Variants in EXOC6B observed in about 807,000 individuals in gnomAD.
EXOC6B encodes the protein SEC15 homolog B.
EXOC6B carries 54 observed loss-of-function variants against 113.5 expected under a neutral mutation model. That is an observed-to-expected ratio of 0.48 (90% CI 0.38 to 0.60). The LOEUF is 0.60. Ranked by LOEUF, EXOC6B falls within the 20% of genes least tolerant of loss-of-function variation. The probability of loss-of-function intolerance (pLI) is 0.00; values close to 1 mark genes in which losing one functional copy is unlikely to be tolerated. For missense variants in EXOC6B, 797 were observed against 977.5 expected, an observed-to-expected ratio of 0.82 and a Z score of 2.46; for synonymous variants, 357 against 339.0, an observed-to-expected ratio of 1.05 and a Z score of -0.58.
intron 20 of EXOC6B, among the ~76,000 whole-genome samples, chr2:72,258,738 C>T (rs1683514592): frequency 6.6e-6 from 1 of 151,940 alleles, no homozygotes; most frequent in Non-Finnish European, 1.5e-5. Flanking sequence ...TTAGAAGGCC[C>T]AAGTACATAC....
intron 6 of EXOC6B, among the ~76,000 whole-genome samples, chr2:72,630,133 G>C (rs963536158): frequency 1.3e-5 from 2 of 152,166 alleles, no homozygotes; most frequent in African/African-American, 4.8e-5. Flanking sequence ...CAGGACTGGA[G>C]CAAAAGGTTT....
chr2:72,727,933 G>A (rs1386139154), intron 5 of EXOC6B, among the ~76,000 whole-genome samples: 2 of 152,026 alleles, frequency 1.3e-5, no homozygotes, highest in East Asian at 3.8e-4. Flanking sequence ...CAACCTAAAA[G>A]TGGTCAGGAA....
intron 10 of EXOC6B, among the ~76,000 whole-genome samples, chr2:72,513,545 A>G (rs1701057990): frequency 6.6e-6 from 1 of 152,080 alleles, no homozygotes; most frequent in African/African-American, 2.4e-5. Flanking sequence ...GAAAATGTGT[A>G]GAGGTAATGG....
chr2:72,739,461 T>C (rs1318921654), intron 2 of EXOC6B, among the ~76,000 whole-genome samples: 2 of 152,122 alleles, frequency 1.3e-5, no homozygotes, highest in African/African-American at 4.8e-5. Context: ...CAATTTGCCA[T>C]ATGTGTTTGT....
At chr2:72,499,535 T>A (rs1485955854) in intron 12 of EXOC6B, among the ~76,000 whole-genome samples, 102 of 140,462 alleles carry the variant, frequency 7.3e-4, no homozygotes, top group African/African-American at 2.8e-3. Flanking sequence ...CCAGTCAGAT[T>A]TTTTTTTTTT....
At chr2:72,554,726 T>C (rs1480498971) in intron 8 of EXOC6B, among the ~76,000 whole-genome samples, 1 of 152,166 alleles carries the variant, frequency 6.6e-6, no homozygotes, top group East Asian at 1.9e-4. Context: ...ATTGCATATG[T>C]AAGTTCTACA....
intron 6 of EXOC6B, among the ~76,000 whole-genome samples, chr2:72,638,720 T>C (rs1673016832): frequency 6.6e-6 from 1 of 152,142 alleles, no homozygotes; most frequent in African/African-American, 2.4e-5. Context: ...AGAGAAGTGG[T>C]AGGGGCAGCA....
chr2:72,528,324 A>T (rs1351423265), intron 8 of EXOC6B, among the ~76,000 whole-genome samples: 1 of 151,856 alleles, frequency 6.6e-6, no homozygotes, highest in Non-Finnish European at 1.5e-5. Flanking sequence ...TTCTGACACT[A>T]TGTGTTGAAT....
rs573441722 is a variant in EXOC6B at position 72,536,472 on chromosome 2, C to T, written c.916-21346G>A. ...TATTGCATTCAATCATATGTAAATA[C>T]CAATTTTTAAATATCTTACCATCAC... On this transcript the variant is annotated intron_variant, in intron 8 of 21. Coordinates refer to ENST00000272427, the MANE Select transcript of EXOC6B (RefSeq NM_015189.3). 1.5e-3 allele frequency among the ~76,000 whole-genome samples: 228 copies of T among 152,038 alleles called. 1 individual carries two copies. Among genetic ancestry groups the T allele is most frequent in the African/African-American group, 5.3e-3 (219 of 41,490 alleles).
intron 7 of EXOC6B, among the ~76,000 whole-genome samples, chr2:72,567,896 A>C (rs1301469986): frequency 6.6e-6 from 1 of 152,080 alleles, no homozygotes; most frequent in Non-Finnish European, 1.5e-5. Context: ...AGAAATGATA[A>C]AAATAGAAAA....
chr2:72,650,679 AT>A (rs1306021281), intron 6 of EXOC6B, among the ~76,000 whole-genome samples: 1 of 152,076 alleles, frequency 6.6e-6, no homozygotes, highest in East Asian at 1.9e-4. Context: ...ATAGAAATAT[AT>A]TTACTGAAGA....
chr2:72,763,419 G>A (rs1433759570), intron 1 of EXOC6B, among the ~76,000 whole-genome samples: 1 of 150,470 alleles, frequency 6.6e-6, no homozygotes, highest in Non-Finnish European at 1.5e-5. Context: ...CAATTTGAAC[G>A]TGTTTTTTCT....
chr2:72,493,303 A>G (rs984394438), intron 15 of EXOC6B, among the ~76,000 whole-genome samples: 3 of 109,218 alleles, frequency 2.7e-5, no homozygotes, highest in Admixed American at 1.1e-4. Flanking sequence ...TTAATTTTGT[A>G]CCTTCTCTGT....
chr2:72,698,177 C>T (rs1042671712), intron 6 of EXOC6B, among the ~76,000 whole-genome samples: 2 of 152,080 alleles, frequency 1.3e-5, no homozygotes, highest in Non-Finnish European at 2.9e-5. Flanking sequence ...GAGGAATTAA[C>T]TGACAGTACA....
chr2:72,504,592 T>C lies in EXOC6B; in HGVS notation c.1168-4620A>G, dbSNP rs572508689. Among the ~76,000 whole-genome samples, 18 of 152,306 alleles carry C rather than the reference T, an allele frequency of 1.2e-4. No homozygotes were observed. In the South Asian group the frequency reaches 3.7e-3, roughly 32 times the overall value. On this transcript the variant is annotated intron_variant, in intron 11 of 21. Coordinates refer to ENST00000272427, the MANE Select transcript of EXOC6B (RefSeq NM_015189.3). The stretch of plus-strand genomic sequence containing the variant: ...CATTTCTCATTTTAAAATCCAACAA[T>C]GCTGGAAAGATATTCTTGCATGTTT...
intron 20 of EXOC6B, among the ~76,000 whole-genome samples, chr2:72,272,218 G>C (rs960287552): frequency 6.6e-6 from 1 of 152,130 alleles, no homozygotes; most frequent in Non-Finnish European, 1.5e-5. Context: ...TCTTGGATAA[G>C]TGCCCAATGT....
At chr2:72,286,448 C>A (rs550007961) in intron 20 of EXOC6B, among the ~76,000 whole-genome samples, 1 of 152,122 alleles carries the variant, frequency 6.6e-6, no homozygotes, top group African/African-American at 2.4e-5. Flanking sequence ...AGAAAAGGCA[C>A]AATGAGGGGG....
intron 1 of EXOC6B, among the ~76,000 whole-genome samples, chr2:72,760,898 T>G (rs1345395294): frequency 2.0e-5 from 3 of 152,096 alleles, no homozygotes; most frequent in Non-Finnish European, 2.9e-5. Context: ...TGACATATGA[T>G]GCCAGGCAGG....
intron 6 of EXOC6B, among the ~76,000 whole-genome samples, chr2:72,678,297 T>C (rs1176571598): frequency 6.6e-6 from 1 of 152,188 alleles, no homozygotes; most frequent in Non-Finnish European, 1.5e-5. Flanking sequence ...AGTTACCAAT[T>C]TGTGTTTCAA....
Sources: allele counts gnomAD v4.1 joint callset (sites outside exome capture counted in the v4.1 genomes callset), GRCh38; gene constraint gnomAD v4.1.1; transcripts MANE v1.5; gene names NCBI Gene and HGNC (gene_info 2026-07-23, HGNC 2026-07-21).